Variants in THOC1 observed in about 807,000 individuals in gnomAD.
THOC1 encodes THO complex subunit 1, also known as THO complex 1.
Under a neutral mutation model 97.3 loss-of-function variants are expected in THOC1, and 29 were observed. The observed-to-expected ratio is 0.30, with a 90% CI of 0.22 to 0.41. The LOEUF is 0.41. Among genes scored for constraint, THOC1 ranks in the 10% least tolerant of loss-of-function variants. THOC1 has a pLI of 1.00. For missense variants in THOC1, 529 were observed against 761.9 expected (o/e 0.69, Z 3.60); for synonymous variants, 255 against 257.0 (o/e 0.99, Z 0.07).
At chr18:239,226 T>C (rs1326536679) in intron 11 of THOC1, among the ~76,000 whole-genome samples, 1 of 152,216 alleles carries the variant, frequency 6.6e-6, no homozygotes, top group Non-Finnish European at 1.5e-5. Flanking sequence ...TTACAGAGTA[T>C]TGAAAAAATT....
intron 9 of THOC1, among the ~76,000 whole-genome samples, chr18:251,456 C>T (rs1457134587): frequency 6.6e-6 from 1 of 152,174 alleles, no homozygotes; most frequent in East Asian, 1.9e-4. Context: ...TCCTTAATGC[C>T]TTCTCTTTTC....
rs1011848328 is a variant in THOC1 at position 254,399 on chromosome 18, A to T, written c.521-44T>A. 4 of 1,207,498 alleles carry T rather than the reference A, an allele frequency of 3.3e-6. No individual in the cohort carries two copies. In the African/African-American group the frequency reaches 4.5e-5, roughly 14 times the overall value. The allele number at this position is 1,207,498 out of a possible 1,614,324, so 74.8% of individuals were successfully genotyped here. On this transcript the variant is annotated intron_variant, in intron 7 of 20. Coordinates refer to ENST00000261600, the MANE Select transcript of THOC1 (RefSeq NM_005131.3). The surrounding 1 kb of genome is among the most constrained non-coding windows in gnomAD (Gnocchi z 4.1). ...AAAGATGCAAAGCAAGTCCAGTGACACCTAAACTTATGTATAACTTGTGTC... is the reference window on the plus strand; with the variant it reads ...AAAGATGCAAAGCAAGTCCAGTGACTCCTAAACTTATGTATAACTTGTGTC...
chr18:257,105 C>T (rs1912461170), intron 7 of THOC1, among the ~76,000 whole-genome samples: 2 of 152,108 alleles, frequency 1.3e-5, no homozygotes, highest in South Asian at 4.1e-4. Context: ...CTTTTATACG[C>T]ACTGGGAAAC....
intron 17 of THOC1, among the ~76,000 whole-genome samples, chr18:220,871 A>G (rs1226308591): frequency 6.6e-6 from 1 of 151,906 alleles, no homozygotes; most frequent in African/African-American, 2.4e-5. Flanking sequence ...TTCTAATCTT[A>G]TTTTACTTTC....
At chr18:252,427 AAATTTCTTAT>A in intron 9 of THOC1, 102 bp downstream of exon 9, 1 of 824,208 alleles carries the variant, frequency 1.2e-6, no homozygotes, top group Non-Finnish European at 2.0e-6. Flanking sequence ...CAAATGAAAG[AAATTTCTTAT>A]AATTTCTTTC....
chr18:260,262 A>C lies in THOC1; in HGVS notation c.299T>G (p.Val100Gly), dbSNP rs1912562126. 1 of 1,595,740 alleles carries C rather than the reference A, an allele frequency of 6.3e-7. No individual in the cohort carries two copies. The highest frequency in any genetic ancestry group is 1.3e-5 in the African/African-American group (1 of 74,290). Residue 100 changes from valine to glycine, a missense_variant, in exon 5 of 21, where the codon GTT becomes GGT. By Grantham distance (109) the Val-to-Gly change is moderately radical. Around this residue, in one of 8 missense-constraint regions of THOC1, gnomAD observed 49 missense variants for 91.7 expected, o/e 0.53. Transcript: ENST00000261600. ...ASTPFVLLGD[V>G]LDCLPLDQCD... is the part of the protein sequence containing the mutation. ...CTGATCCAAAGGAAGACAATCCAAA[A>C]CATCTCCCAACAATACAAAAGGTGT...
chr18:217,275 G>A (rs1910925417), intron 18 of THOC1, among the ~76,000 whole-genome samples: 1 of 152,198 alleles, frequency 6.6e-6, no homozygotes, highest in Admixed American at 6.5e-5. Flanking sequence ...ACTACCCATA[G>A]ACACTGGGGA....
At chr18:260,344 C>G in intron 4 of THOC1, 40 bp from the exon 5 acceptor site, 1 of 1,287,320 alleles carries the variant, frequency 7.8e-7, no homozygotes. Flanking sequence ...GTTTAAAAAA[C>G]TGTAGAGTAG....
At position 221,717 on chromosome 18, in the gene THOC1, T is replaced by C. The variant is rs374977248; in HGVS notation, c.1370+1723A>G. Among the ~76,000 whole-genome samples the C allele has an allele frequency of 1.9e-3, 288 of 150,764 alleles. 3 individuals carry two copies. Among genetic ancestry groups the C allele is most frequent in the African/African-American group, 6.3e-3 (260 of 41,104 alleles). On this transcript the variant is annotated intron_variant, in intron 17 of 20. Transcript: ENST00000261600. ...TCCGCCTCCCAGGTTCACGCCATTC[T>C]CCTGCCTCAGCCTCCCAAGTAGCTG...
Position 247,827 on chromosome 18 carries a change from TAG to T in THOC1, c.786+20_786+21del. On this transcript the variant is annotated intron_variant, in intron 10 of 20. Coordinates refer to ENST00000261600, the MANE Select transcript of THOC1 (RefSeq NM_005131.3). ...TGTCTATAAAATACTGGGCTTCTGA[TAG>T]TCTGTCAATGGCAACTTACCTTGAG... 2 of 1,420,526 alleles carry T rather than the reference TAG, an allele frequency of 1.4e-6. No homozygotes were observed. The highest frequency in any genetic ancestry group is 2.0e-6 in the Non-Finnish European group (2 of 1,009,544). The allele number at this position is 1,420,526 out of a possible 1,614,324, so 88.0% of individuals were successfully genotyped here.
intron 9 of THOC1, among the ~76,000 whole-genome samples, chr18:250,584 T>C (rs1360981412): frequency 1.3e-5 from 2 of 152,236 alleles, no homozygotes; most frequent in Non-Finnish European, 2.9e-5. Flanking sequence ...TTAACAAAAA[T>C]GTTTACTGGT....
At chr18:219,725 C>T (rs1254854601) in intron 17 of THOC1, among the ~76,000 whole-genome samples, 2 of 152,020 alleles carry the variant, frequency 1.3e-5, no homozygotes, top group African/African-American at 2.4e-5. Context: ...TGTTGCTATT[C>T]AAAGAGGGCA....
chr18:215,362 TACC>T, intron 20 of THOC1, 64 bp downstream of exon 20: 1 of 1,163,840 alleles, frequency 8.6e-7, no homozygotes, highest in South Asian at 1.3e-5. Context: ...TTAAATAATG[TACC>T]TATCAACAAA....
chr18:248,216 T>C (rs1356302592), intron 9 of THOC1, among the ~76,000 whole-genome samples: 1 of 152,232 alleles, frequency 6.6e-6, no homozygotes, highest in African/African-American at 2.4e-5. Context: ...AAGATTATGT[T>C]TCCCAACCAA....
intron 11 of THOC1, among the ~76,000 whole-genome samples, chr18:233,189 A>G (rs2143199983): frequency 6.6e-6 from 1 of 152,332 alleles, no homozygotes; most frequent in African/African-American, 2.4e-5. Flanking sequence ...TTTCTCATTC[A>G]TACTTTCAAT....
chr18:248,710 C>G (rs532717264), intron 9 of THOC1, among the ~76,000 whole-genome samples: 2 of 152,140 alleles, frequency 1.3e-5, no homozygotes, highest in Admixed American at 1.3e-4. Context: ...AACTTCTAAT[C>G]TTGATATGTC....
rs150559209 is a variant in THOC1 at position 246,199 on chromosome 18, T to C, written c.918+125A>G. On this transcript the variant is annotated intron_variant, in intron 11 of 20. Transcript: ENST00000261600. ...GGACTTTCAAACTAACATTAATCAA[T>C]CAGCTTTAACCCAAAGTAAAATAAG... The C allele has an allele frequency of 1.5e-3, 1,157 of 778,958 alleles. 13 individuals are homozygous for C. The African/African-American group carries it at 0.019, about 13-fold the overall frequency. The allele number at this position is 778,958 out of a possible 1,614,324, so 48.3% of individuals were successfully genotyped here.
At chr18:219,613 A>G (rs1247320825) in intron 17 of THOC1, among the ~76,000 whole-genome samples, 2 of 152,200 alleles carry the variant, frequency 1.3e-5, no homozygotes, top group Admixed American at 6.5e-5. Flanking sequence ...ACTAAATTCA[A>G]AAAGGACAAT....
At chr18:215,019 G>A in intron 20 of THOC1, 98 bp from the exon 21 acceptor site, 2 of 1,061,720 alleles carry the variant, frequency 1.9e-6, no homozygotes, top group African/African-American at 3.2e-5. Flanking sequence ...ACCTTTAGTA[G>A]ACTTTATTTT....
Sources: allele counts gnomAD v4.1 joint callset (sites outside exome capture counted in the v4.1 genomes callset), GRCh38; gene constraint gnomAD v4.1.1; regional missense constraint gnomAD v4.1.1; non-coding constraint Gnocchi (gnomAD v3.1); transcripts MANE v1.5; gene names NCBI Gene and HGNC (gene_info 2026-07-23, HGNC 2026-07-21).